Variants in STK3 observed in about 807,000 individuals in gnomAD.
STK3 encodes the protein serine/threonine-protein kinase 3.
A neutral mutation model predicts 58.0 loss-of-function variants in STK3; 41 were observed. The observed-to-expected ratio is 0.71, with a 90% CI of 0.55 to 0.92. The LOEUF (loss-of-function observed/expected upper bound fraction) is 0.92, where lower values mean the gene tolerates loss of function less well. Ranked by LOEUF, STK3 falls within the 40% of genes least tolerant of loss-of-function variation. The probability of loss-of-function intolerance (pLI) is 0.00; values close to 1 mark genes in which losing one functional copy is unlikely to be tolerated. For missense variants in STK3, 479 were observed against 602.7 expected (o/e 0.79, Z 2.15); for synonymous variants, 170 against 191.0 (o/e 0.89, Z 0.91).
intron 1 of STK3, among the ~76,000 whole-genome samples, chr8:98,824,994 A>T (rs1439738721): frequency 6.6e-6 from 1 of 152,240 alleles, no homozygotes; most frequent in Non-Finnish European, 1.5e-5. Context: ...GTATGCATAC[A>T]TTTCCAACAC....
rs531968715 is a variant in STK3 at position 98,721,042 on chromosome 8, T to C, written c.352-13731A>G. On this transcript the variant is annotated intron_variant, in intron 4 of 10. Transcript: ENST00000419617. ...GCCAGCCAAACAAAACAAATATACC[T>C]GTTAATGAATTGTAGAAGTAAGCAC... 9.5e-6 allele frequency: 9 copies of C among 947,098 alleles called. No individual in the cohort carries two copies. In the Admixed American group the frequency reaches 4.9e-4, roughly 52 times the overall value. The allele number at this position is 947,098 out of a possible 1,614,324, so 58.7% of individuals were successfully genotyped here. A position where few individuals can be genotyped will look rare whatever the true frequency, so the allele number is the denominator to read the frequency against.
chr8:98,464,536 A>G (rs1264754956), intron 10 of STK3, among the ~76,000 whole-genome samples: 1 of 133,458 alleles, frequency 7.5e-6, no homozygotes, highest in Admixed American at 7.6e-5. Context: ...GTAGTACTTA[A>G]AGTTAAAAAA....
intron 1 of STK3, among the ~76,000 whole-genome samples, chr8:98,885,915 G>T (rs890544416): frequency 1.3e-5 from 2 of 152,116 alleles, no homozygotes; most frequent in African/African-American, 4.8e-5. Context: ...CTCCTCCAAT[G>T]GATCTCAAGG....
At chr8:98,736,142 GCTTT>G (rs1828575246) in intron 4 of STK3, among the ~76,000 whole-genome samples, 1 of 152,090 alleles carries the variant, frequency 6.6e-6, no homozygotes, top group African/African-American at 2.4e-5. Flanking sequence ...CATTTATTGT[GCTTT>G]CTTTATGTAA....
chr8:98,792,910 G>GTA (rs1318501822), intron 1 of STK3, among the ~76,000 whole-genome samples: 1 of 151,608 alleles, frequency 6.6e-6, no homozygotes, highest in African/African-American at 2.4e-5. Context: ...GTGTGTGTGT[G>GTA]TGTGTGTGTG....
chr8:98,814,235 G>A (rs1834401536), intron 1 of STK3, among the ~76,000 whole-genome samples: 2 of 151,910 alleles, frequency 1.3e-5, no homozygotes, highest in African/African-American at 4.8e-5. Flanking sequence ...ATTTTTAGTA[G>A]AGACAGGGTT....
chr8:98,426,760 C>A (rs1818238999), intron 3 of STK3, among the ~76,000 whole-genome samples: 1 of 152,140 alleles, frequency 6.6e-6, no homozygotes, highest in African/African-American at 2.4e-5. Flanking sequence ...CCCCTGCCTG[C>A]GCCCTGGGGG....
At chr8:98,812,639 A>T (rs1834300221) in intron 1 of STK3, among the ~76,000 whole-genome samples, 1 of 152,260 alleles carries the variant, frequency 6.6e-6, no homozygotes, top group East Asian at 1.9e-4. Context: ...ACCAACCCAG[A>T]TGTCCATCAA....
At chr8:98,828,129 C>T (rs1587718178), upstream of STK3, among the ~76,000 whole-genome samples, 7 of 152,102 alleles carry the variant, frequency 4.6e-5, 2 homozygotes, top group Admixed American at 4.6e-4. Context: ...CACCCGCCAC[C>T]ACGCCCAGCT....
At chr8:98,722,264 G>T (rs1441698287) in intron 4 of STK3, among the ~76,000 whole-genome samples, 1 of 152,166 alleles carries the variant, frequency 6.6e-6, no homozygotes, top group Admixed American at 6.5e-5. Flanking sequence ...AAAAGCGATA[G>T]TCCAAATTTC....
At chr8:98,629,263 C>T (rs1328409742) in intron 6 of STK3, among the ~76,000 whole-genome samples, 1 of 152,136 alleles carries the variant, frequency 6.6e-6, no homozygotes, top group Non-Finnish European at 1.5e-5. Flanking sequence ...GCTTGACAGT[C>T]ATTTACGAGA....
At chr8:98,427,182 C>T (rs1377238230) in intron 3 of STK3, 4 of 149,326 alleles carry the variant, frequency 2.7e-5, no homozygotes, top group African/African-American at 5.0e-5. Context: ...GGAGGAGACG[C>T]TCGGCGGCCC....
chr8:98,608,763 G>A (rs372635416), intron 6 of STK3, among the ~76,000 whole-genome samples: 182 of 152,256 alleles, frequency 1.2e-3, no homozygotes, highest in African/African-American at 4.1e-3. Flanking sequence ...AGCATAGCTT[G>A]ATGCAGTAGT....
rs1212459268 is a variant in STK3 at position 98,595,924 on chromosome 8, G to T, written c.822+108C>A. 1.2e-5 allele frequency: 15 copies of T among 1,296,240 alleles called. No homozygotes were observed. The Admixed American group carries it at 3.3e-4, about 29-fold the overall frequency. 80.3% of individuals were successfully genotyped at this position (1,296,240 alleles called of 1,614,324 possible). On this transcript the variant is annotated intron_variant, in intron 7 of 10. Coordinates refer to ENST00000419617, the MANE Select transcript of STK3 (RefSeq NM_006281.4). ...GGGAGCAAACAGGAGGGGAGGGGAG[G>T]TTTACATCTTTAGAAATCAGTTATG...
downstream of STK3, chr8:98,401,280 T>C (rs1004445185): frequency 2.6e-5 from 4 of 152,184 alleles, no homozygotes; most frequent in African/African-American, 9.7e-5. Flanking sequence ...GGGGAAGGCT[T>C]TGCTGGGACT....
At chr8:98,695,869 A>C (rs887699610) in intron 6 of STK3, among the ~76,000 whole-genome samples, 11 of 152,162 alleles carry the variant, frequency 7.2e-5, no homozygotes, top group Non-Finnish European at 1.3e-4. Flanking sequence ...TTCCATATGA[A>C]CTTTAAAATA....
intron 6 of STK3, among the ~76,000 whole-genome samples, chr8:98,608,274 A>T (rs913246132): frequency 6.6e-6 from 1 of 152,178 alleles, no homozygotes; most frequent in African/African-American, 2.4e-5. Context: ...CTATTAAGCT[A>T]TCCACTCATT....
At chr8:98,671,794 G>C (rs1822850890) in intron 6 of STK3, among the ~76,000 whole-genome samples, 1 of 152,130 alleles carries the variant, frequency 6.6e-6, no homozygotes, top group South Asian at 2.1e-4. Flanking sequence ...GTTTGGTTCT[G>C]TATCCCCACC....
chr8:98,827,537 TAA>T (rs1452448395), upstream of STK3, among the ~76,000 whole-genome samples: 1 of 152,266 alleles, frequency 6.6e-6, no homozygotes, highest in Non-Finnish European at 1.5e-5. Flanking sequence ...TGCATTATTT[TAA>T]GTTTCACTAT....
Sources: allele counts gnomAD v4.1 joint callset (sites outside exome capture counted in the v4.1 genomes callset), GRCh38; gene constraint gnomAD v4.1.1; transcripts MANE v1.5; gene names NCBI Gene and HGNC (gene_info 2026-07-23, HGNC 2026-07-21).